Variants in POLI observed in about 807,000 individuals in gnomAD.
The protein encoded by POLI is RAD30 homolog B.
A neutral mutation model predicts 51.6 loss-of-function variants in POLI; 58 were observed. That is an observed-to-expected ratio of 1.12 (90% CI 0.91 to 1.40). The LOEUF is 1.40. Ranked by LOEUF, POLI falls within the 40% of genes most tolerant of loss-of-function variation. POLI has a pLI of 0.00. For synonymous variants in POLI, 322 were observed against 299.7 expected (o/e 1.07, Z -0.77); for missense variants, 921 against 871.3 (o/e 1.06, Z -0.72).
chr18:54,295,183 G>T lies in POLI; in HGVS notation c.*716G>T, dbSNP rs192201907. On this transcript the variant is annotated 3_prime_UTR_variant, in exon 10 of 10. Transcript: ENST00000579534. ...TTAAGGGAAAGATGGACACCAGAAA[G>T]GCAAGGTGATGGGCCTATAAGCATA... is the stretch of plus-strand genomic sequence containing the variant. 4.4e-3 allele frequency: 4,369 copies of T among 985,406 alleles called. 9 individuals carry two copies. Among genetic ancestry groups the T allele is most frequent in the South Asian group, 8.6e-3 (183 of 21,288 alleles). The allele number at this position is 985,406 out of a possible 1,614,324, so 61.0% of individuals were successfully genotyped here. A position where few individuals can be genotyped will look rare whatever the true frequency, so the allele number is the denominator to read the frequency against.
In POLI at chr18:54,296,123, GT is replaced by G; in HGVS notation, c.*1657del. ...TTTTTTACATGAGTATTCCAGTAAG[GT>G]AATTAAACTTATGAAAAGGGTATAT... is the stretch of plus-strand genomic sequence containing the variant. On this transcript the variant is annotated 3_prime_UTR_variant, in exon 10 of 10. Coordinates refer to ENST00000579534, the MANE Select transcript of POLI (RefSeq NM_007195.3). 1.0e-6 allele frequency: 1 copy of G among 981,516 alleles called. No individual in the cohort carries two copies. Among genetic ancestry groups the G allele is most frequent in the Non-Finnish European group, 1.2e-6 (1 of 826,448 alleles). 60.8% of individuals were successfully genotyped at this position (981,516 alleles called of 1,614,324 possible).
Position 54,271,536 on chromosome 18 carries a change from CTCA to C in POLI, c.241+56_241+58del, listed in dbSNP as rs1428363965. On this transcript the variant is annotated intron_variant, in intron 2 of 9. Transcript: ENST00000579534. ...AATTGCATAATGATTAGATTAGCAACTCATCATGCTCATTATATACTGATTTAT... is the reference window on the plus strand; with the variant it reads ...AATTGCATAATGATTAGATTAGCAACTCATGCTCATTATATACTGATTTAT... The C allele has an allele frequency of 6.6e-6, 8 of 1,206,708 alleles. No individual in the cohort carries two copies. The Admixed American group carries it at 1.1e-4, about 16-fold the overall frequency. The allele number at this position is 1,206,708 out of a possible 1,614,324, so 74.8% of individuals were successfully genotyped here.
At chr18:54,292,080 T>A in intron 9 of POLI, 42 bp downstream of exon 9, 1 of 1,056,088 alleles carries the variant, frequency 9.5e-7, no homozygotes, top group Non-Finnish European at 1.4e-6. Context: ...AGTATACTCT[T>A]ATGGGATTTG....
At chr18:54,302,342 C>A (rs2088507181), downstream of POLI, among the ~76,000 whole-genome samples, 1 of 152,122 alleles carries the variant, frequency 6.6e-6, no homozygotes, top group Admixed American at 6.5e-5. Context: ...ACCAAACATT[C>A]TCTAGTTCAG....
Position 54,295,363 on chromosome 18 carries a change from C to G in POLI, c.*896C>G. ...TACTAAATTGGTGGATGTCCTCTTT[C>G]TCCCATTGTTATTGCCTTCCTCTTT... On this transcript the variant is annotated 3_prime_UTR_variant, in exon 10 of 10. Coordinates refer to ENST00000579534, the MANE Select transcript of POLI (RefSeq NM_007195.3). 1 of 984,474 alleles carries G rather than the reference C, an allele frequency of 1.0e-6. No individual in the cohort carries two copies. The highest frequency in any genetic ancestry group is 1.2e-6 in the Non-Finnish European group (1 of 829,060). The allele number at this position is 984,474 out of a possible 1,614,324, so 61.0% of individuals were successfully genotyped here.
intron 1 of POLI, chr18:54,270,581 T>G (rs533500181): frequency 6.6e-6 from 1 of 152,236 alleles, no homozygotes; most frequent in Non-Finnish European, 1.5e-5. Context: ...ATACTATTAA[T>G]TGAACTACAC....
At chr18:54,280,116 G>C (rs999575712) in intron 4 of POLI, among the ~76,000 whole-genome samples, 2 of 152,190 alleles carry the variant, frequency 1.3e-5, no homozygotes, top group Non-Finnish European at 2.9e-5. Flanking sequence ...ATAACAGGGT[G>C]GCAGTGATCT....
At chr18:54,273,385 C>CA (rs2087093917) in intron 2 of POLI, among the ~76,000 whole-genome samples, 1 of 129,358 alleles carries the variant, frequency 7.7e-6, no homozygotes, top group African/African-American at 3.5e-5. Flanking sequence ...TATTTTCATC[C>CA]GTTTTTTTTT....
intron 7 of POLI, among the ~76,000 whole-genome samples, chr18:54,286,521 T>C (rs1349199859): frequency 1.3e-5 from 2 of 152,126 alleles, no homozygotes; most frequent in Admixed American, 6.5e-5. Flanking sequence ...AATGTCATTT[T>C]GTAAAAAAAA....
rs747340287 is a variant in POLI, at chr18:54,294,094, G to C, written c.1850G>C (p.Ser617Thr). 3 of 1,609,302 alleles carry C rather than the reference G, an allele frequency of 1.9e-6. No homozygotes were observed. The African/African-American group carries it at 4.0e-5, about 21-fold the overall frequency. The change falls in exon 10 of 10, where the codon AGC becomes ACC. Residue 617 changes from serine (S) to threonine (T), a missense_variant. Physicochemically the swap from Ser to Thr is moderately conservative, Grantham distance 58. Transcript: ENST00000579534. ...AGCAGTAGTTCTTCTTACATGTCTA[G>C]CCAAAAGGATTATTCATATTATTTA... ...FNSSSSSYMS[S>T]QKDYSYYLDN...
intron 8 of POLI, among the ~76,000 whole-genome samples, chr18:54,288,330 T>C (rs1416387849): frequency 6.6e-6 from 1 of 152,180 alleles, no homozygotes; most frequent in Non-Finnish European, 1.5e-5. Flanking sequence ...TTTTCTGTTT[T>C]CTGTTAGAAG....
chr18:54,272,824 T>C (rs942561168), intron 2 of POLI, among the ~76,000 whole-genome samples: 3 of 151,968 alleles, frequency 2.0e-5, no homozygotes, highest in Admixed American at 2.0e-4. Context: ...ATTAAAGGAC[T>C]CCTTTTTTTA....
chr18:54,296,913 A>G lies in POLI; in HGVS notation c.*2446A>G. On this transcript the variant is annotated 3_prime_UTR_variant, in exon 10 of 10. Transcript: ENST00000579534. ...CAATATTTTAAGTCTTTATAAGTCT[A>G]CATTTAAGGTTATTATTGCATATCA... 1.0e-6 allele frequency: 1 copy of G among 955,760 alleles called. No individual in the cohort carries two copies. Among genetic ancestry groups the G allele is most frequent in the Non-Finnish European group, 1.2e-6 (1 of 803,010 alleles). The allele number at this position is 955,760 out of a possible 1,614,324, so 59.2% of individuals were successfully genotyped here.
chr18:54,311,478 A>G (rs1440671759), intron 3 of POLI, among the ~76,000 whole-genome samples: 1 of 152,210 alleles, frequency 6.6e-6, no homozygotes, highest in Non-Finnish European at 1.5e-5. Context: ...TTTGTTTCAA[A>G]TTACCAACTT....
chr18:54,288,333 G>A (rs1011083149), intron 8 of POLI, among the ~76,000 whole-genome samples: 1 of 151,930 alleles, frequency 6.6e-6, no homozygotes, highest in African/African-American at 2.4e-5. Flanking sequence ...TCTGTTTTCT[G>A]TTAGAAGTTT....
At chr18:54,307,808 T>C (rs1363908329) in intron 3 of POLI, among the ~76,000 whole-genome samples, 1 of 152,342 alleles carries the variant, frequency 6.6e-6, no homozygotes, top group African/African-American at 2.4e-5. Flanking sequence ...TTAGCTCTTC[T>C]TGTTGAATTG....
rs915039275 is a variant in POLI at position 54,297,753 on chromosome 18, T to C, written c.*3286T>C. On this transcript the variant is annotated 3_prime_UTR_variant, in exon 10 of 10. Transcript: ENST00000579534. The stretch of plus-strand genomic sequence containing the variant: ...ACCCTCTTTCCAAACAACACAAAGG[T>C]ATTGAAATAACATTAATTCTAATTA... 3.1e-6 allele frequency: 3 copies of C among 967,772 alleles called. No individual in the cohort carries two copies. Among genetic ancestry groups the C allele is most frequent in the Non-Finnish European group, 3.7e-6 (3 of 814,052 alleles). 59.9% of individuals were successfully genotyped at this position (967,772 alleles called of 1,614,324 possible). A position where few individuals can be genotyped will look rare whatever the true frequency, so the allele number is the denominator to read the frequency against.
At chr18:54,293,595 C>T (rs886156141) in intron 9 of POLI, 54 bp from the exon 10 acceptor site, 18 of 1,192,250 alleles carry the variant, frequency 1.5e-5, no homozygotes, top group East Asian at 7.5e-5. Context: ...GCAGCAGCAG[C>T]GATATTTAAA....
chr18:54,280,838 C>CA lies in POLI; in HGVS notation c.732dup (p.Val245SerfsTer5). The CA allele has an allele frequency of 1.2e-6, 2 of 1,613,614 alleles. No individual in the cohort carries two copies. Among genetic ancestry groups the CA allele is most frequent in the Non-Finnish European group, 1.7e-6 (2 of 1,179,600 alleles). ...GGTGTCTTTAAACCAAATCAACAAA[C>CA]AGTCTTATTACCTGAAAGTTGTCAA... On this transcript the variant is annotated frameshift_variant, in exon 5 of 10. Coordinates refer to ENST00000579534, the MANE Select transcript of POLI (RefSeq NM_007195.3). LOFTEE classifies it high-confidence loss of function.
Sources: gnomAD v4.1 joint callset for allele counts (sites outside exome capture counted in the v4.1 genomes callset) on GRCh38, gnomAD v4.1.1 for gene constraint, MANE v1.5 for transcripts, NCBI Gene and HGNC (gene_info 2026-07-23, HGNC 2026-07-21) for gene names.